GRM5: variants seen among roughly 807,000 people sequenced by gnomAD.
GRM5 encodes glutamate metabotropic receptor 5.
Under a neutral mutation model 83.1 loss-of-function variants are expected in GRM5, and 19 were observed. The ratio of observed to expected loss-of-function variants is 0.23; its 90% CI spans 0.16 to 0.34. The LOEUF (loss-of-function observed/expected upper bound fraction) is 0.34. Ranked by LOEUF, GRM5 falls within the 10% of genes least tolerant of loss-of-function variation. The pLI, the probability that GRM5 is intolerant of heterozygous loss-of-function variation, is 1.00. For missense variants in GRM5, 1,160 were observed against 1,588.3 expected, an observed-to-expected ratio of 0.73 and a Z score of 4.58; for synonymous variants, 675 against 633.6, an observed-to-expected ratio of 1.07 and a Z score of -0.98.
chr11:88,644,490 G>T (rs1038883868), intron 4 of GRM5, among the ~76,000 whole-genome samples: 1 of 152,156 alleles, frequency 6.6e-6, no homozygotes, highest in Non-Finnish European at 1.5e-5. Context: ...TAAAATGTTT[G>T]CATGCTGGTC....
chr11:88,512,393 C>A (rs1041370909), intron 9 of GRM5: 5 of 154,016 alleles, frequency 3.2e-5, no homozygotes, highest in Admixed American at 1.3e-4. Flanking sequence ...GCTTTTTTTT[C>A]CCTGAAGTAA....
intron 5 of GRM5, among the ~76,000 whole-genome samples, chr11:88,599,944 C>T (rs941500180): frequency 6.6e-6 from 1 of 152,096 alleles, no homozygotes; most frequent in African/African-American, 2.4e-5. Flanking sequence ...ACCCGGGAGA[C>T]GGAGCTTGCA....
At chr11:88,910,165 T>C (rs1945472575) in intron 2 of GRM5, among the ~76,000 whole-genome samples, 1 of 152,102 alleles carries the variant, frequency 6.6e-6, no homozygotes, top group South Asian at 2.1e-4. Flanking sequence ...ATTGAAATCA[T>C]ACAATATTTG....
intron 2 of GRM5, among the ~76,000 whole-genome samples, chr11:88,856,983 T>C (rs900604410): frequency 6.6e-6 from 1 of 152,130 alleles, no homozygotes; most frequent in Non-Finnish European, 1.5e-5. Context: ...TTCATATCTG[T>C]ATGTGTATAG....
chr11:88,977,096 TA>T (rs1247322274), intron 2 of GRM5, among the ~76,000 whole-genome samples: 1 of 151,468 alleles, frequency 6.6e-6, no homozygotes, highest in Non-Finnish European at 1.5e-5. Context: ...TTGAAGAGAT[TA>T]AAACAAGTCT....
chr11:89,002,218 A>G (rs1384526992), intron 2 of GRM5, among the ~76,000 whole-genome samples: 1 of 152,212 alleles, frequency 6.6e-6, no homozygotes, highest in Non-Finnish European at 1.5e-5. Context: ...ATGGTAATTA[A>G]TAATTCCAGA....
intron 2 of GRM5, among the ~76,000 whole-genome samples, chr11:88,872,423 T>C (rs1291748655): frequency 6.6e-6 from 1 of 151,564 alleles, no homozygotes; most frequent in Non-Finnish European, 1.5e-5. Flanking sequence ...GCTGCAATTA[T>C]TTCTCCTTCA....
intron 4 of GRM5, among the ~76,000 whole-genome samples, chr11:88,618,783 G>T (rs1591386535): frequency 6.6e-6 from 1 of 152,084 alleles, no homozygotes. Flanking sequence ...TAATTAGTTG[G>T]CATGATAGTG....
At chr11:88,620,535 C>T (rs1324096627) in intron 4 of GRM5, among the ~76,000 whole-genome samples, 1 of 152,102 alleles carries the variant, frequency 6.6e-6, no homozygotes, top group Non-Finnish European at 1.5e-5. Context: ...GTGGGCCCAA[C>T]AGAGAAATGA....
intron 7 of GRM5, among the ~76,000 whole-genome samples, chr11:88,581,893 G>A (rs1290142363): frequency 6.6e-6 from 1 of 151,854 alleles, no homozygotes; most frequent in East Asian, 1.9e-4. Context: ...TTTTCTGCCT[G>A]AAAATTCATT....
chr11:88,732,239 C>G (rs1257427480), intron 3 of GRM5, among the ~76,000 whole-genome samples: 1 of 152,076 alleles, frequency 6.6e-6, no homozygotes, highest in African/African-American at 2.4e-5. Flanking sequence ...TTAATTTCTA[C>G]ACTTCAAGAA....
intron 3 of GRM5, among the ~76,000 whole-genome samples, chr11:88,827,037 G>T (rs1343906186): frequency 1.3e-5 from 2 of 152,114 alleles, no homozygotes; most frequent in African/African-American, 4.8e-5. Flanking sequence ...TTGTAATGGA[G>T]TATTTTTTTT....
intron 4 of GRM5, among the ~76,000 whole-genome samples, chr11:88,619,411 T>G (rs148197814): frequency 0.011 from 1,638 of 152,324 alleles, 32 homozygotes; most frequent in African/African-American, 0.037. Context: ...TCAGAAGATG[T>G]GACAACACTG....
At chr11:88,585,156 T>C (rs554430426) in intron 7 of GRM5, among the ~76,000 whole-genome samples, 1 of 152,330 alleles carries the variant, frequency 6.6e-6, no homozygotes, top group East Asian at 1.9e-4. Flanking sequence ...TTGTCCTATC[T>C]TCTTTCTCTA....
intron 2 of GRM5, among the ~76,000 whole-genome samples, chr11:88,878,247 A>T (rs1944892758): frequency 6.6e-6 from 1 of 152,134 alleles, no homozygotes; most frequent in African/African-American, 2.4e-5. Context: ...CCTGGAGAAG[A>T]CTCCAAATAT....
chr11:88,762,508 T>C (rs950014898), intron 3 of GRM5, among the ~76,000 whole-genome samples: 3 of 151,884 alleles, frequency 2.0e-5, no homozygotes, highest in African/African-American at 7.2e-5. Context: ...TCAGAATGTA[T>C]TATTAAAAAG....
At chr11:88,743,994 G>C (rs6483413) in intron 3 of GRM5, among the ~76,000 whole-genome samples, 12 of 151,892 alleles carry the variant, frequency 7.9e-5, no homozygotes, top group Non-Finnish European at 8.8e-5. Flanking sequence ...TGATACAAAG[G>C]TTGCTGAACA....
At chr11:88,574,985 CTT>C (rs796257304) in intron 7 of GRM5, among the ~76,000 whole-genome samples, 34 of 116,070 alleles carry the variant, frequency 2.9e-4, no homozygotes, top group Non-Finnish European at 5.1e-4. Flanking sequence ...CTTTTCTTTT[CTT>C]TTTTTTTTTT....
At chr11:88,676,959 T>C (rs151179107) in intron 3 of GRM5, among the ~76,000 whole-genome samples, 45 of 152,168 alleles carry the variant, frequency 3.0e-4, no homozygotes, top group African/African-American at 9.6e-4. Context: ...GAAATAAAAA[T>C]ATAATCTCTT....
Sources: gnomAD v4.1 joint callset for allele counts (sites outside exome capture counted in the v4.1 genomes callset) on GRCh38, gnomAD v4.1.1 for gene constraint, MANE v1.5 for transcripts, NCBI Gene and HGNC (gene_info 2026-07-23, HGNC 2026-07-21) for gene names.